Variants in TMEM67 observed in about 807,000 individuals in gnomAD.
The protein encoded by TMEM67 is transmembrane protein 67.
In TMEM67, 124 loss-of-function variants were observed where a neutral mutation model predicts 136.6. The ratio of observed to expected loss-of-function variants is 0.91; its 90% confidence interval spans 0.78 to 1.05. The LOEUF (loss-of-function observed/expected upper bound fraction) is 1.05, where lower values mean the gene tolerates loss of function less well. Ranked by LOEUF, TMEM67 falls within the 50% of genes least tolerant of loss-of-function variation. The pLI, the probability that TMEM67 is intolerant of heterozygous loss-of-function variation, is 0.00. For synonymous variants in TMEM67, 364 were observed against 390.5 expected, an observed-to-expected ratio of 0.93 and a Z score of 0.80; for missense variants, 1,107 against 1,178.4, an observed-to-expected ratio of 0.94 and a Z score of 0.89.
At chr8:93,773,127 A>G (rs1260088107) in intron 7 of TMEM67, among the ~76,000 whole-genome samples, 2 of 152,180 alleles carry the variant, frequency 1.3e-5, no homozygotes, top group South Asian at 2.1e-4. Flanking sequence ...GTTATAGTTG[A>G]GCAAAGAACT....
chr8:93,818,901 C>G, downstream of TMEM67: 1 of 345,114 alleles, frequency 2.9e-6, no homozygotes, highest in Non-Finnish European at 5.5e-6. Flanking sequence ...CTCCTAGGCT[C>G]AAGCAGTCCT....
the TMEM67 span, among the ~76,000 whole-genome samples, chr8:93,825,849 T>A: frequency 6.6e-6 from 1 of 152,166 alleles, no homozygotes; most frequent in Non-Finnish European, 1.5e-5. Flanking sequence ...ACAGACCACA[T>A]GGATTGCACC....
chr8:93,759,876 C>T (rs894326278), intron 3 of TMEM67: 11 of 977,202 alleles, frequency 1.1e-5, no homozygotes, highest in Admixed American at 6.8e-5. Flanking sequence ...CTTGAACTTC[C>T]GACCTCAGGT....
chr8:93,785,595 T>C, intron 12 of TMEM67: 2 of 513,374 alleles, frequency 3.9e-6, no homozygotes, highest in South Asian at 2.7e-5. Flanking sequence ...GAAATTATAC[T>C]GTTGCTGAGG....
the TMEM67 span, among the ~76,000 whole-genome samples, chr8:93,826,123 C>CTTTTTTTTTT: frequency 1.7e-4 from 9 of 52,380 alleles, 1 homozygote; most frequent in Non-Finnish European, 2.8e-4. Flanking sequence ...TTAATCATGT[C>CTTTTTTTTTT]TTTTTTTTTT....
chr8:93,779,177 G>A (rs1222663904), intron 7 of TMEM67, among the ~76,000 whole-genome samples: 1 of 152,128 alleles, frequency 6.6e-6, no homozygotes, highest in Non-Finnish European at 1.5e-5. Flanking sequence ...GCATCACATA[G>A]TTCTTGTGCC....
At chr8:93,831,725 TG>T in the TMEM67 span, among the ~76,000 whole-genome samples, 1 of 152,080 alleles carries the variant, frequency 6.6e-6, no homozygotes, top group Non-Finnish European at 1.5e-5. Flanking sequence ...CCTGTGTGTG[TG>T]GTGGACGTCA....
rs2130664380 is a variant in TMEM67, at chr8:93,780,909, A to G, written c.905A>G (p.Gln302Arg). The G allele has an allele frequency of 1.2e-6, 2 of 1,612,484 alleles. No individual in the cohort carries two copies. The highest frequency in any genetic ancestry group is 2.7e-5 in the African/African-American group (2 of 75,004). The change falls in exon 9 of 28, where the codon CAG (glutamine) becomes CGG (arginine). Residue 302 changes from glutamine to arginine, a missense_variant. This residue lies in a region of TMEM67 where 925 missense variants were observed against 1,002.4 expected (regional missense o/e 0.92). Coordinates refer to ENST00000453321, the MANE Select transcript of TMEM67 (RefSeq NM_153704.6). ...QNLPWLFYGDQLGLAPQVLSS... is the reference protein window; with the variant it reads ...QNLPWLFYGDRLGLAPQVLSS... ...CTTCCTTGGCTGTTTTATGGAGACC[A>G]GTTAGGATTAGCACCTCAAGTGCTC...
At chr8:93,798,781 G>A (rs1253745953) in intron 20 of TMEM67, among the ~76,000 whole-genome samples, 1 of 151,928 alleles carries the variant, frequency 6.6e-6, no homozygotes, top group Non-Finnish European at 1.5e-5. Flanking sequence ...GACTTCCAAA[G>A]TTCACTTGAA....
downstream of TMEM67, chr8:93,819,302 C>T: frequency 2.5e-6 from 1 of 405,418 alleles, no homozygotes; most frequent in African/African-American, 2.1e-5. Context: ...CAGCCACCCC[C>T]AGCTCTGCCA....
intron 15 of TMEM67, among the ~76,000 whole-genome samples, chr8:93,792,868 G>A (rs1050620857): frequency 6.6e-6 from 1 of 150,908 alleles, no homozygotes; most frequent in Non-Finnish European, 1.5e-5. Flanking sequence ...CCGCTCCCAG[G>A]TTCATGCCAT....
intron 26 of TMEM67, among the ~76,000 whole-genome samples, chr8:93,811,850 A>G (rs1306080262): frequency 5.3e-5 from 8 of 152,098 alleles, no homozygotes; most frequent in African/African-American, 1.7e-4. Flanking sequence ...AAAAAAAAGA[A>G]GAAACCACTG....
chr8:93,796,153 G>A (rs912237847), intron 18 of TMEM67, among the ~76,000 whole-genome samples, 166 bp downstream of exon 18: 1 of 152,140 alleles, frequency 6.6e-6, no homozygotes. Flanking sequence ...TATAGTAGAT[G>A]CTCAGTCTGA....
At chr8:93,765,546 A>G (rs1813044576) in intron 5 of TMEM67, 26 bp from the exon 6 acceptor site, 1 of 1,603,860 alleles carries the variant, frequency 6.2e-7, no homozygotes, top group Non-Finnish European at 8.5e-7. Context: ...ATAAGCTTCT[A>G]TTTTTTCCCT....
In TMEM67 at chr8:93,817,952, TAGA is replaced by T. The variant is rs1488831196; in HGVS notation, c.*1506_*1508del. 1 of 152,234 alleles carries T rather than the reference TAGA, an allele frequency of 6.6e-6. No individual in the cohort carries two copies. The highest frequency in any genetic ancestry group is 2.1e-4 in the South Asian group (1 of 4,834). 9.4% of individuals were successfully genotyped at this position (152,234 alleles called of 1,614,324 possible). A position where few individuals can be genotyped will look rare whatever the true frequency, so the allele number is the denominator to read the frequency against. On this transcript the variant is annotated 3_prime_UTR_variant, in exon 28 of 28. Transcript: ENST00000453321. ...AAAGAAATTCAACCATCATTCAACA[TAGA>T]AGAAGTTAATTTTAGTGCAAAAGTT... is the stretch of plus-strand genomic sequence containing the variant.
rs569820334 is a variant in TMEM67, at chr8:93,761,255, C to T, written c.407-2587C>T. 1.5e-3 allele frequency among the ~76,000 whole-genome samples: 223 copies of T among 152,236 alleles called. 1 individual carries two copies. The highest frequency in any genetic ancestry group is 4.3e-3 in the African/African-American group (180 of 41,544). ...TGGAGGTTACAGTGAGCCAAGATCA[C>T]GCCATTGCACTCCAGCCTGGGCAAC... On this transcript the variant is annotated intron_variant, in intron 3 of 27. Coordinates refer to ENST00000453321, the MANE Select transcript of TMEM67 (RefSeq NM_153704.6).
chr8:93,827,058 T>C, the TMEM67 span, among the ~76,000 whole-genome samples: 99 of 152,316 alleles, frequency 6.5e-4, no homozygotes, highest in African/African-American at 2.3e-3. Context: ...CTCAAACTCC[T>C]GACCTCAGGT....
At chr8:93,811,173 C>G (rs75466677) in intron 26 of TMEM67, 1 of 152,242 alleles carries the variant, frequency 6.6e-6, no homozygotes, top group East Asian at 1.9e-4. Context: ...GAAGTCTGTG[C>G]AGGCACAGGT....
At chr8:93,831,759 G>C in the TMEM67 span, among the ~76,000 whole-genome samples, 5 of 152,168 alleles carry the variant, frequency 3.3e-5, no homozygotes, top group African/African-American at 9.7e-5. Context: ...TGAATGTGCA[G>C]AAGGCATGGT....
Sources: allele counts gnomAD v4.1 joint callset (sites outside exome capture counted in the v4.1 genomes callset), GRCh38; gene constraint gnomAD v4.1.1; regional missense constraint gnomAD v4.1.1; transcripts MANE v1.5; gene names NCBI Gene and HGNC (gene_info 2026-07-23, HGNC 2026-07-21).